The following ACTR3C variants were observed in gnomAD, a reference collection of about 807,000 sequenced individuals.
The protein encoded by ACTR3C is actin related protein 3C.
A neutral mutation model predicts 26.3 loss-of-function variants in ACTR3C; 18 were observed. That is an observed-to-expected ratio of 0.68 (90% CI 0.47 to 1.01). The LOEUF is 1.01. ACTR3C is among the 50% of genes least tolerant of loss of function. ACTR3C has a pLI of 0.00. For synonymous variants in ACTR3C, 55 were observed against 94.5 expected (o/e 0.58, Z 2.42); for missense variants, 184 against 250.7 (o/e 0.73, Z 1.80).
chr7:150,045,328 CTTTT>C, the ACTR3C span, among the ~76,000 whole-genome samples: 1 of 152,200 alleles, frequency 6.6e-6, no homozygotes, highest in Non-Finnish European at 1.5e-5. Flanking sequence ...TTCTGAGGAA[CTTTT>C]CTAAGAAGAG....
the ACTR3C span, among the ~76,000 whole-genome samples, chr7:150,137,224 G>A: frequency 1.3e-5 from 2 of 152,152 alleles, 1 homozygote; most frequent in African/African-American, 4.8e-5. Context: ...TCAGATGGTG[G>A]CCTCTTGAAG....
At chr7:150,272,299 G>T (rs1834508960) in intron 6 of ACTR3C, among the ~76,000 whole-genome samples, 1 of 139,520 alleles carries the variant, frequency 7.2e-6, no homozygotes. Context: ...GATCAGGAGA[G>T]AAGAGACTGT....
chr7:150,223,314 C>G, the ACTR3C span, among the ~76,000 whole-genome samples: 5 of 152,006 alleles, frequency 3.3e-5, no homozygotes, highest in Non-Finnish European at 7.4e-5. Context: ...TATCCATTCT[C>G]TTACAAATGA....
the ACTR3C span, among the ~76,000 whole-genome samples, chr7:150,121,675 T>A: frequency 6.7e-6 from 1 of 149,348 alleles, no homozygotes; most frequent in African/African-American, 2.5e-5. Context: ...ATTTATAGAT[T>A]CAATGCCATC....
At chr7:149,930,775 A>C in the ACTR3C span, among the ~76,000 whole-genome samples, 8,439 of 127,644 alleles carry the variant, frequency 0.066, no homozygotes, top group African/African-American at 0.2. Flanking sequence ...AGCCCCACAC[A>C]TACTTAAAAT....
At chr7:149,977,584 C>A in the ACTR3C span, among the ~76,000 whole-genome samples, 1 of 152,264 alleles carries the variant, frequency 6.6e-6, no homozygotes, top group East Asian at 1.9e-4. Context: ...TTCAGTTACA[C>A]GATGAAAACC....
chr7:150,305,029 C>T (rs558144868), intron 1 of ACTR3C, among the ~76,000 whole-genome samples: 117 of 151,408 alleles, frequency 7.7e-4, no homozygotes, highest in African/African-American at 2.6e-3. Context: ...TGTTCTCAGG[C>T]GGTCTCAGCT....
intron 1 of ACTR3C, among the ~76,000 whole-genome samples, chr7:150,316,593 C>G (rs1444404148): frequency 6.7e-6 from 1 of 148,946 alleles, no homozygotes; most frequent in African/African-American, 2.5e-5. Flanking sequence ...TCAAGCGATT[C>G]TCCTGCCTCA....
chr7:149,936,740 C>G, the ACTR3C span, among the ~76,000 whole-genome samples: 2 of 152,232 alleles, frequency 1.3e-5, no homozygotes, highest in African/African-American at 2.4e-5. Flanking sequence ...ACTTAGTGTT[C>G]TGGATTGGGT....
the ACTR3C span, among the ~76,000 whole-genome samples, chr7:150,137,584 C>T: frequency 3.9e-5 from 6 of 152,076 alleles, no homozygotes; most frequent in African/African-American, 1.4e-4. Context: ...TGGTATATTC[C>T]TTGAAACAAT....
chr7:150,036,548 CG>C, the ACTR3C span, among the ~76,000 whole-genome samples: 1 of 144,730 alleles, frequency 6.9e-6, no homozygotes, highest in Non-Finnish European at 1.6e-5. Flanking sequence ...TCAAAAGTTC[CG>C]GGTCCCCGAC....
chr7:150,047,864 C>T, the ACTR3C span: 30 of 1,489,606 alleles, frequency 2.0e-5, no homozygotes, highest in Non-Finnish European at 2.5e-5. Context: ...TCGGGCACCG[C>T]GCTCCTGCTG....
At chr7:150,102,837 C>T in the ACTR3C span, among the ~76,000 whole-genome samples, 3 of 151,964 alleles carry the variant, frequency 2.0e-5, no homozygotes, top group African/African-American at 7.3e-5. Context: ...CTTTTCTCCT[C>T]TTATTAAAAT....
At chr7:149,919,880 C>T in the ACTR3C span, among the ~76,000 whole-genome samples, 65,849 of 119,766 alleles carry the variant, frequency 0.55, 13,851 homozygotes, top group South Asian at 0.64. Flanking sequence ...ATTCCTTAAC[C>T]ACATATTCTG....
the ACTR3C span, among the ~76,000 whole-genome samples, chr7:149,888,851 T>C: frequency 2.4e-4 from 36 of 151,982 alleles, no homozygotes; most frequent in African/African-American, 8.7e-4. Flanking sequence ...CTACTAAAAA[T>C]ACAAAAAGTA....
At chr7:150,199,662 AT>A in the ACTR3C span, among the ~76,000 whole-genome samples, 6 of 142,464 alleles carry the variant, frequency 4.2e-5, no homozygotes, top group African/African-American at 7.9e-5. Context: ...ATAAAAAAAA[AT>A]AAAACATTAA....
the ACTR3C span, among the ~76,000 whole-genome samples, chr7:149,966,489 C>T: frequency 1.3e-5 from 2 of 152,200 alleles, no homozygotes; most frequent in Non-Finnish European, 2.9e-5. Flanking sequence ...TGACCTTCTT[C>T]CAAGTTAAGT....
chr7:150,286,111 T>A (rs1835747220), intron 5 of ACTR3C, among the ~76,000 whole-genome samples: 2 of 152,134 alleles, frequency 1.3e-5, no homozygotes. Context: ...TTAATTCTAT[T>A]ATCATCTATC....
chr7:150,033,707 T>C, the ACTR3C span, among the ~76,000 whole-genome samples: 177 of 143,754 alleles, frequency 1.2e-3, no homozygotes, highest in Middle Eastern at 4.9e-3. Flanking sequence ...ATGGGGGTAC[T>C]AACAACCAGG....
Sources: allele counts gnomAD v4.1 joint callset (sites outside exome capture counted in the v4.1 genomes callset), GRCh38; gene constraint gnomAD v4.1.1; transcripts MANE v1.5; gene names NCBI Gene and HGNC (gene_info 2026-07-23, HGNC 2026-07-21).